The following MEGF8 variants were observed in gnomAD, a reference collection of about 807,000 sequenced individuals.
MEGF8 encodes the protein multiple EGF like domains 8.
MEGF8 carries 156 observed loss-of-function variants against 302.9 expected under a neutral mutation model. The observed-to-expected ratio is 0.52, with a 90% CI of 0.45 to 0.59. MEGF8 has a LOEUF of 0.59. MEGF8 is among the 20% of genes least tolerant of loss of function. The pLI is 0.00. For synonymous variants in MEGF8, 1,621 were observed against 1,660.5 expected, an observed-to-expected ratio of 0.98 and a Z score of 0.58; for missense variants, 3,345 against 3,964.5, an observed-to-expected ratio of 0.84 and a Z score of 4.20.
chr19:42,334,957 T>A, intron 3 of MEGF8, 78 bp from the exon 4 acceptor site: 1 of 1,423,006 alleles, frequency 7.0e-7, no homozygotes, highest in Non-Finnish European at 9.4e-7. Flanking sequence ...CTGCCTCTTT[T>A]CCTCTCTGTG....
Position 42,348,324 on chromosome 19 carries a change from A to T in MEGF8, c.2150A>T (p.Asp717Val). The part of the protein sequence containing the change: ...TITLTPSAET[D>V]VSLVYRGFIY... The stretch of plus-strand genomic sequence containing the variant: ...ACCCTAACACCCAGCGCAGAGACAG[A>T]TGTGTCCCTGGTCTACCGTGGCTTC... The change falls in exon 13 of 42, where the codon GAT becomes GTT. Residue 717 changes from aspartate to valine, a missense_variant. Physicochemically the swap from Asp to Val is radical, Grantham distance 152. Coordinates refer to ENST00000251268, the MANE Select transcript of MEGF8 (RefSeq NM_001271938.2). The T allele has an allele frequency of 1.3e-6, 2 of 1,537,522 alleles. No individual in the cohort carries two copies. The highest frequency in any genetic ancestry group is 1.7e-6 in the Non-Finnish European group (2 of 1,146,968).
chr19:42,368,583 C>A lies in MEGF8; in HGVS notation c.6402C>A (p.Pro2134=). Residue 2134 remains proline, a synonymous_variant, in exon 36 of 42, where the codon CCC becomes CCA. Coordinates refer to ENST00000251268, the MANE Select transcript of MEGF8 (RefSeq NM_001271938.2). The surrounding 1 kb of genome is among the most constrained non-coding windows in gnomAD (Gnocchi z 4.9). ...AGTGCGCCTTGTGCCTGCGGCGCCC[C>A]CATTGCGGCTGGTGTGCCTGGGGGG... ...ATQCALCLRR[P]HCGWCAWGGQ... 6.3e-7 allele frequency: 1 copy of A among 1,581,968 alleles called. No individual in the cohort carries two copies. The highest frequency in any genetic ancestry group is 2.3e-5 in the East Asian group (1 of 43,114).
At position 42,359,149 on chromosome 19, in the gene MEGF8, G is replaced by A. The variant is rs767310853; in HGVS notation, c.5395G>A (p.Val1799Ile). The stretch of plus-strand genomic sequence containing the variant: ...AGCCCTGTTAGGGGACACCATGGTG[G>A]TTCTTGGGGGGCGCTCGGACCCTGA... Reference protein sequence around the residue: ...ASALLGDTMVVLGGRSDPDEF... With the variant: ...ASALLGDTMVILGGRSDPDEF... The change falls in exon 31 of 42, where the codon GTT (valine) becomes ATT (isoleucine). Residue 1799 changes from valine (V) to isoleucine (I), a missense_variant. Physicochemically the swap from Val to Ile is conservative, Grantham distance 29. Coordinates refer to ENST00000251268, the MANE Select transcript of MEGF8 (RefSeq NM_001271938.2). 4 of 1,597,232 alleles carry A rather than the reference G, an allele frequency of 2.5e-6. No homozygotes were observed. In the Admixed American group the frequency reaches 5.2e-5, roughly 21 times the overall value.
chr19:42,376,325 C>G lies in MEGF8; in HGVS notation c.8088C>G (p.Pro2696=). ...AGATGACCAAGATGGCCAGCCGCCCCTTCGCCAAGGTCACCGTCTGCTTCC... is the reference window on the plus strand; with the variant it reads ...AGATGACCAAGATGGCCAGCCGCCCGTTCGCCAAGGTCACCGTCTGCTTCC... ...LQEMTKMASR[P]FAKVTVCFPP... The change falls in exon 42 of 42, where the codon CCC becomes CCG. Residue 2696 remains proline, a synonymous_variant. Transcript: ENST00000251268. This position sits in a 1 kb window ranked among gnomAD's most constrained non-coding sequence, Gnocchi z 8.2. 2 of 1,613,726 alleles carry G rather than the reference C, an allele frequency of 1.2e-6. No homozygotes were observed. Among genetic ancestry groups the G allele is most frequent in the Non-Finnish European group, 1.7e-6 (2 of 1,179,836 alleles).
intron 8 of MEGF8, among the ~76,000 whole-genome samples, 155 bp downstream of exon 8, chr19:42,337,361 C>G (rs1009661273): frequency 2.6e-5 from 4 of 152,200 alleles, no homozygotes; most frequent in African/African-American, 9.6e-5. Context: ...GGAGATGGGA[C>G]TAGGGCATCG....
rs1327085108 is a variant in MEGF8, at chr19:42,370,254, G to T, written c.6900G>T (p.Arg2300=). The T allele has an allele frequency of 6.2e-7, 1 of 1,613,218 alleles. No homozygotes were observed. The highest frequency in any genetic ancestry group is 8.5e-7 in the Non-Finnish European group (1 of 1,179,822). The change falls in exon 39 of 42, where the codon CGG becomes CGT. Residue 2300 remains arginine (R), a synonymous_variant. Coordinates refer to ENST00000251268, the MANE Select transcript of MEGF8 (RefSeq NM_001271938.2). ...CAGCTGTCGGAGGCGGGACCTGCCG[G>T]CCCTGCCACGCCTTTTGTCGTGGAA... ...VGSAVGGGTC[R]PCHAFCRGNS...
In MEGF8 at chr19:42,334,207, C is replaced by T. The variant is rs758831089; in HGVS notation, c.552C>T (p.Cys184=). Residue 184 remains cysteine, a synonymous_variant, in exon 3 of 42, where the codon TGC becomes TGT. Transcript: ENST00000251268. The stretch of plus-strand genomic sequence containing the variant: ...CCTACTGTGGCAGCCACGGCACCTG[C>T]GCCTCGGTGAGCCGGTCCCCAGCCC... The part of the protein sequence containing the change: ...CSAYCGSHGT[C]ASPLGPCRCE... 14 of 1,595,696 alleles carry T rather than the reference C, an allele frequency of 8.8e-6. No homozygotes were observed. Among genetic ancestry groups the T allele is most frequent in the Admixed American group, 3.4e-5 (2 of 59,138 alleles).
chr19:42,364,308 C>T (rs1600068176), intron 35 of MEGF8, among the ~76,000 whole-genome samples: 1 of 152,200 alleles, frequency 6.6e-6, no homozygotes, highest in East Asian at 1.9e-4. Context: ...CACTGCCCCC[C>T]CGTGGGAGAT....
chr19:42,356,566 A>G lies in MEGF8; in HGVS notation c.4622+113A>G. On this transcript the variant is annotated intron_variant, in intron 26 of 41. Transcript: ENST00000251268. The surrounding 1 kb of genome is among the most constrained non-coding windows in gnomAD (Gnocchi z 5.2). Reference sequence around the variant, plus strand: ...GCCTCTAAGGTAAAGGACAGCCCAAAGGATGCTGGGACACTTGTCACAGGA... The same window carrying G: ...GCCTCTAAGGTAAAGGACAGCCCAAGGGATGCTGGGACACTTGTCACAGGA... 1 of 1,001,028 alleles carries G rather than the reference A, an allele frequency of 1.0e-6. No homozygotes were observed. Among genetic ancestry groups the G allele is most frequent in the Non-Finnish European group, 1.4e-6 (1 of 697,626 alleles). 62.0% of individuals were successfully genotyped at this position (1,001,028 alleles called of 1,614,324 possible).
In MEGF8 at chr19:42,335,202, G is replaced by C. The variant is rs749420064; in HGVS notation, c.726G>C (p.Leu242=). 6.2e-7 allele frequency: 1 copy of C among 1,614,036 alleles called. No individual in the cohort carries two copies. The highest frequency in any genetic ancestry group is 1.1e-5 in the South Asian group (1 of 91,086). The part of the protein sequence containing the change: ...AGAFLSPPGL[L]AVFGGQDLNN... ...CCTTCCTGTCCCCACCAGGGCTGCT[G>C]GCAGTTTTCGGAGGTGAGCAGATGG... The change falls in exon 4 of 42, where the codon CTG becomes CTC. Residue 242 remains leucine, a synonymous_variant. Coordinates refer to ENST00000251268, the MANE Select transcript of MEGF8 (RefSeq NM_001271938.2).
At chr19:42,359,607 A>G (rs973192281) in intron 31 of MEGF8, among the ~76,000 whole-genome samples, 2 of 151,888 alleles carry the variant, frequency 1.3e-5, no homozygotes, top group Admixed American at 6.6e-5. Context: ...TTTTATTTCA[A>G]TGTTGTGAGT....
At position 42,369,883 on chromosome 19, in the gene MEGF8, C is replaced by T. The variant is rs935654359; in HGVS notation, c.6834+160C>T. Reference sequence around the variant, plus strand: ...GGGAGATGTGTGGAGACTTGGGGGACGCTGCCTGGGTTTGGATCCCAGAGG... The same window carrying T: ...GGGAGATGTGTGGAGACTTGGGGGATGCTGCCTGGGTTTGGATCCCAGAGG... On this transcript the variant is annotated intron_variant, in intron 38 of 41. Transcript: ENST00000251268. The surrounding 1 kb of genome is among the most constrained non-coding windows in gnomAD (Gnocchi z 5.7). Among the ~76,000 whole-genome samples, 4 of 152,040 alleles carry T rather than the reference C, an allele frequency of 2.6e-5. No homozygotes were observed. Among genetic ancestry groups the T allele is most frequent in the African/African-American group, 4.8e-5 (2 of 41,384 alleles).
intron 12 of MEGF8, among the ~76,000 whole-genome samples, chr19:42,347,018 GAA>G (rs111967182): frequency 7.1e-6 from 1 of 140,232 alleles, no homozygotes; most frequent in African/African-American, 2.6e-5. Flanking sequence ...AAAAGAAAAA[GAA>G]AAAAAAGTCA....
At position 42,336,729 on chromosome 19, in the gene MEGF8, C is replaced by T; in HGVS notation, c.1245-78C>T. The T allele has an allele frequency of 6.6e-7, 1 of 1,509,652 alleles. No individual in the cohort carries two copies. Among genetic ancestry groups the T allele is most frequent in the Non-Finnish European group, 8.9e-7 (1 of 1,129,354 alleles). 93.5% of individuals were successfully genotyped at this position (1,509,652 alleles called of 1,614,324 possible). On this transcript the variant is annotated intron_variant, in intron 6 of 41. Transcript: ENST00000251268. This position sits in a 1 kb window ranked among gnomAD's most constrained non-coding sequence, Gnocchi z 4.8. ...ATGGCCAGTCTCATCCCTGGGTGAT[C>T]ACATGGCTCCTAAGAGCCTGGAGGA...
Position 42,362,090 on chromosome 19 carries a change from G to T in MEGF8, c.5721G>T (p.Arg1907Ser), listed in dbSNP as rs1343266607. 34 of 1,611,958 alleles carry T rather than the reference G, an allele frequency of 2.1e-5. No individual in the cohort carries two copies. The highest frequency in any genetic ancestry group is 2.8e-5 in the Non-Finnish European group (33 of 1,179,416). Residue 1907 changes from arginine to serine, a missense_variant and splice_region_variant, in exon 33 of 42, where the codon AGG becomes AGT. Transcript: ENST00000251268. Reference protein sequence around the residue: ...GACLSGDQAHRLGCGGSPCSP... With the variant: ...GACLSGDQAHSLGCGGSPCSP... ...GTGAGCCAGGCCTCATGTCCTTTAG[G>T]CTGGGCTGCGGGGGCTCCCCCTGCT...
chr19:42,349,732 C>G, intron 14 of MEGF8, 33 bp downstream of exon 14: 1 of 1,594,966 alleles, frequency 6.3e-7, no homozygotes, highest in Non-Finnish European at 8.6e-7. Flanking sequence ...CAACCCTAGC[C>G]GCAGGCCCCA....
At chr19:42,348,580 G>A in intron 13 of MEGF8, 108 bp downstream of exon 13, 2 of 1,079,914 alleles carry the variant, frequency 1.9e-6, no homozygotes, top group Non-Finnish European at 2.6e-6. Context: ...GGGCTGGGGA[G>A]AAATTAGAGG....
rs1274040917 is a variant in MEGF8, at chr19:42,351,550, T to A, written c.2977T>A (p.Trp993Arg). Residue 993 changes from tryptophan (W) to arginine (R), a missense_variant, in exon 17 of 42, where the codon TGG (tryptophan) becomes AGG (arginine). Transcript: ENST00000251268. This position sits in a 1 kb window ranked among gnomAD's most constrained non-coding sequence, Gnocchi z 5.6. ...ARYPHGGCRG[W>R]DDSVHSEPRC... ...GTACCCACACGGGGGCTGTCGAGGC[T>A]GGGACGACAGGTATGGTCCCTGGGG... The A allele has an allele frequency of 6.2e-7, 1 of 1,609,658 alleles. No homozygotes were observed. The highest frequency in any genetic ancestry group is 8.5e-7 in the Non-Finnish European group (1 of 1,178,296).
At chr19:42,350,028 C>A in intron 14 of MEGF8, 120 bp from the exon 15 acceptor site, 2 of 783,382 alleles carry the variant, frequency 2.6e-6, no homozygotes, top group Non-Finnish European at 4.1e-6. Context: ...TTTCCTAAAT[C>A]CTGACTTCCT....
Sources: gnomAD v4.1 joint callset for allele counts (sites outside exome capture counted in the v4.1 genomes callset) on GRCh38, gnomAD v4.1.1 for gene constraint, Gnocchi (gnomAD v3.1) non-coding constraint, MANE v1.5 for transcripts, NCBI Gene and HGNC (gene_info 2026-07-23, HGNC 2026-07-21) for gene names.